Variants in MAP1S observed in about 807,000 individuals in gnomAD.
The protein encoded by MAP1S is microtubule-associated protein 1S.
A neutral mutation model predicts 60.9 loss-of-function variants in MAP1S; 27 were observed. The ratio of observed to expected loss-of-function variants is 0.44; its 90% CI spans 0.33 to 0.61. The LOEUF is 0.61. Ranked by LOEUF, MAP1S falls within the 20% of genes least tolerant of loss-of-function variation. The pLI, the probability that MAP1S is intolerant of heterozygous loss-of-function variation, is 0.03. For missense variants in MAP1S, 1,608 were observed against 1,486.6 expected (o/e 1.08, Z -1.34); for synonymous variants, 826 against 694.2 (o/e 1.19, Z -2.98).
In MAP1S at chr19:17,725,975, C is replaced by G. The variant is rs771877229; in HGVS notation, c.591C>G (p.Pro197=). The change falls in exon 5 of 7, where the codon CCC becomes CCG. Residue 197 remains proline, a synonymous_variant. Transcript: ENST00000324096. This position sits in a 1 kb window ranked among gnomAD's most constrained non-coding sequence, Gnocchi z 4.2. ...TCCGGCTCCAGCTGCGGCTGAACCC[C>G]CCGGCGCAGCTGCCCAACTCTGAGG... The part of the protein sequence containing the change: ...GALRLQLRLN[P]PAQLPNSEGL... 6.2e-7 allele frequency: 1 copy of G among 1,612,422 alleles called. No homozygotes were observed. Among genetic ancestry groups the G allele is most frequent in the Non-Finnish European group, 8.5e-7 (1 of 1,179,418 alleles).
Position 17,726,879 on chromosome 19 carries a change from C to T in MAP1S, c.1495C>T (p.Pro499Ser), listed in dbSNP as rs1182034156. Residue 499 changes from proline to serine, a missense_variant, in exon 5 of 7, where the codon CCT becomes TCT. Physicochemically the swap from Pro to Ser is moderately conservative, Grantham distance 74 (BLOSUM62 -1). Transcript: ENST00000324096. ...ATHPRPGQER[P>S]GVARKEPARA... is the part of the protein sequence containing the mutation. ...CCACCCTAGACCTGGCCAGGAGCGC[C>T]CTGGGGTGGCCCGCAAGGAGCCAGC... 1.3e-6 allele frequency: 2 copies of T among 1,556,404 alleles called. No homozygotes were observed. The highest frequency in any genetic ancestry group is 1.9e-5 in the Admixed American group (1 of 51,366).
At chr19:17,723,441 G>A (rs1264635836) in intron 2 of MAP1S, among the ~76,000 whole-genome samples, 1 of 152,076 alleles carries the variant, frequency 6.6e-6, no homozygotes, top group South Asian at 2.1e-4. Flanking sequence ...CCAGCTACTC[G>A]GGAGGCTGAG....
chr19:17,727,183 C>G lies in MAP1S; in HGVS notation c.1799C>G (p.Ser600Cys). The stretch of plus-strand genomic sequence containing the variant: ...AGCCCCCCCAGTGCAGCCTGCGGCT[C>G]TCCGGCCTCCCAGCTGGTGGCCACG... ...EASPPSAACGSPASQLVATPS... is the reference protein window; with the variant it reads ...EASPPSAACGCPASQLVATPS... The change falls in exon 5 of 7, where the codon TCT becomes TGT. Residue 600 changes from serine (S) to cysteine (C), a missense_variant. This residue lies in a region of MAP1S where 1,167 missense variants were observed against 961.4 expected (regional missense o/e 1.21). Transcript: ENST00000324096. The surrounding 1 kb of genome is among the most constrained non-coding windows in gnomAD (Gnocchi z 4.1). The G allele has an allele frequency of 6.3e-7, 1 of 1,578,362 alleles. No individual in the cohort carries two copies. Among genetic ancestry groups the G allele is most frequent in the Non-Finnish European group, 8.6e-7 (1 of 1,166,084 alleles).
Position 17,726,117 on chromosome 19 carries a change from A to C in MAP1S, c.733A>C (p.Ile245Leu). 6.2e-7 allele frequency: 1 copy of C among 1,613,794 alleles called. No individual in the cohort carries two copies. The highest frequency in any genetic ancestry group is 8.5e-7 in the Non-Finnish European group (1 of 1,179,912). Residue 245 changes from isoleucine (I) to leucine (L), a missense_variant, in exon 5 of 7, where the codon ATC (isoleucine) becomes CTC (leucine). By Grantham distance (5) the Ile-to-Leu change is conservative. Transcript: ENST00000324096. ...CAGGCTGGGCCGGCCCTGCTGCTAC[A>C]TCTTCCCTGGAGGCCTCGGGGATGC... is the stretch of plus-strand genomic sequence containing the variant. ...FLRLGRPCCYIFPGGLGDAAF... is the reference protein window; with the variant it reads ...FLRLGRPCCYLFPGGLGDAAF...
chr19:17,722,200 C>G (rs1157591917), intron 2 of MAP1S, among the ~76,000 whole-genome samples: 2 of 152,172 alleles, frequency 1.3e-5, no homozygotes, highest in African/African-American at 2.4e-5. Context: ...GCCTGTAATC[C>G]CAACACTTTG....
At position 17,727,251 on chromosome 19, in the gene MAP1S, G is replaced by T. The variant is rs897610117; in HGVS notation, c.1867G>T (p.Ala623Ser). 6 of 1,571,944 alleles carry T rather than the reference G, an allele frequency of 3.8e-6. No homozygotes were observed. Among genetic ancestry groups the T allele is most frequent in the African/African-American group, 1.4e-5 (1 of 73,930 alleles). The change falls in exon 5 of 7, where the codon GCA (alanine) becomes TCA (serine). Residue 623 changes from alanine to serine, a missense_variant. Transcript: ENST00000324096. This position sits in a 1 kb window ranked among gnomAD's most constrained non-coding sequence, Gnocchi z 4.1. ...LGPIPAGEEKALELPLAASSI... is the reference protein window; with the variant it reads ...LGPIPAGEEKSLELPLAASSI... ...GCCGATCCCAGCCGGGGAGGAGAAG[G>T]CACTGGAGCTGCCTTTGGCCGCCAG...
intron 1 of MAP1S, chr19:17,720,630 A>G (rs2080362351): frequency 1.0e-6 from 1 of 953,166 alleles, no homozygotes; most frequent in Non-Finnish European, 1.5e-6. Context: ...GGCAGGGGAA[A>G]CAGCTGTTGC....
intron 2 of MAP1S, among the ~76,000 whole-genome samples, chr19:17,722,612 G>T (rs944502149): frequency 6.6e-6 from 1 of 151,894 alleles, no homozygotes; most frequent in Non-Finnish European, 1.5e-5. Flanking sequence ...AGCTGGTTGT[G>T]GTGGCAAGCG....
In MAP1S at chr19:17,725,739, G is replaced by A; in HGVS notation, c.445-90G>A. 4 of 1,339,108 alleles carry A rather than the reference G, an allele frequency of 3.0e-6. No individual in the cohort carries two copies. Among genetic ancestry groups the A allele is most frequent in the African/African-American group, 1.5e-5 (1 of 68,358 alleles). 83.0% of individuals were successfully genotyped at this position (1,339,108 alleles called of 1,614,324 possible). The stretch of plus-strand genomic sequence containing the variant: ...GGGCCCTGAGGAGCAGGCCCTGGGG[G>A]AAAGGATGAGGGTGTCCTCGCCCAG... On this transcript the variant is annotated intron_variant, in intron 4 of 6. Transcript: ENST00000324096. This position sits in a 1 kb window ranked among gnomAD's most constrained non-coding sequence, Gnocchi z 4.2.
intron 3 of MAP1S, among the ~76,000 whole-genome samples, chr19:17,724,460 C>T (rs562871688): frequency 2.6e-5 from 4 of 152,254 alleles, no homozygotes; most frequent in East Asian, 1.9e-4. Context: ...CCCAGGACAG[C>T]GTGGGTCTGG....
chr19:17,722,486 C>T (rs926919520), intron 2 of MAP1S, among the ~76,000 whole-genome samples: 4 of 105,556 alleles, frequency 3.8e-5, no homozygotes, highest in Non-Finnish European at 8.2e-5. Context: ...TGGTGGCTCA[C>T]ACCTATAATC....
At position 17,725,931 on chromosome 19, in the gene MAP1S, C is replaced by G; in HGVS notation, c.547C>G (p.Pro183Ala). 1 of 1,613,688 alleles carries G rather than the reference C, an allele frequency of 6.2e-7. No individual in the cohort carries two copies. Among genetic ancestry groups the G allele is most frequent in the Non-Finnish European group, 8.5e-7 (1 of 1,179,928 alleles). Residue 183 changes from proline to alanine, a missense_variant, in exon 5 of 7, where the codon CCT becomes GCT. Physicochemically the swap from Pro to Ala is conservative, Grantham distance 27 (BLOSUM62 -1). Around this residue, in one of 4 missense-constraint regions of MAP1S, gnomAD observed 320 missense variants for 393.1 expected, o/e 0.81. Coordinates refer to ENST00000324096, the MANE Select transcript of MAP1S (RefSeq NM_018174.6). This position sits in a 1 kb window ranked among gnomAD's most constrained non-coding sequence, Gnocchi z 4.2. The stretch of plus-strand genomic sequence containing the variant: ...CTGGGCTCAGCTGGCACCCGCTGTG[C>G]CTGGCCTTCAGGGGGCGCTCCGGCT... ...GDWAQLAPAV[P>A]GLQGALRLQL...
chr19:17,721,641 C>G (rs1168111272), intron 2 of MAP1S, among the ~76,000 whole-genome samples: 1 of 152,140 alleles, frequency 6.6e-6, no homozygotes, highest in African/African-American at 2.4e-5. Flanking sequence ...CGCCACTGCA[C>G]TCCTGCCTGA....
intron 6 of MAP1S, 92 bp downstream of exon 6, chr19:17,733,520 C>G (rs2080512228): frequency 9.3e-7 from 1 of 1,070,432 alleles, no homozygotes; most frequent in Non-Finnish European, 1.3e-6. Flanking sequence ...CTGTGTTCCC[C>G]AGGCCACACG....
At chr19:17,723,706 C>T (rs1003312920) in intron 2 of MAP1S, among the ~76,000 whole-genome samples, 6 of 149,930 alleles carry the variant, frequency 4.0e-5, no homozygotes, top group African/African-American at 7.4e-5. Context: ...AAAACTTAGC[C>T]GGGTGTGGTG....
chr19:17,721,124 A>C, intron 2 of MAP1S, 87 bp downstream of exon 2: 1 of 1,021,470 alleles, frequency 9.8e-7, no homozygotes, highest in East Asian at 2.4e-5. Context: ...GGTGGGATGC[A>C]GCTATAAATA....
In MAP1S at chr19:17,727,934, C is replaced by T. The variant is rs377292486; in HGVS notation, c.2550C>T (p.Pro850=). The T allele has an allele frequency of 3.0e-5, 48 of 1,608,950 alleles. No individual in the cohort carries two copies. The highest frequency in any genetic ancestry group is 3.7e-5 in the Non-Finnish European group (44 of 1,177,532). Residue 850 remains proline, a synonymous_variant, in exon 5 of 7, where the codon CCC becomes CCT. Transcript: ENST00000324096. This position sits in a 1 kb window ranked among gnomAD's most constrained non-coding sequence, Gnocchi z 4.1. Reference sequence around the variant, plus strand: ...TGGTGGACCCCGAGATGCTGCCCCCCAAGACAGCACGGCAAACGGAGAACG... The same window carrying T: ...TGGTGGACCCCGAGATGCTGCCCCCTAAGACAGCACGGCAAACGGAGAACG... ...ICMVDPEMLP[P]KTARQTENVS... is the part of the protein sequence containing the mutation.
In MAP1S at chr19:17,726,237, G is replaced by A. The variant is rs995356102; in HGVS notation, c.853G>A (p.Val285Met). 1 of 1,607,898 alleles carries A rather than the reference G, an allele frequency of 6.2e-7. No homozygotes were observed. The highest frequency in any genetic ancestry group is 8.5e-7 in the Non-Finnish European group (1 of 1,177,652). Residue 285 changes from valine to methionine, a missense_variant, in exon 5 of 7, where the codon GTG (valine) becomes ATG (methionine). Transcript: ENST00000324096. ...GAAGCTGGTGCGGCACCTGGACCGC[G>A]TGGATGCCGTGCTGGTGACCCACCC... ...FWKLVRHLDR[V>M]DAVLVTHPGA...
chr19:17,724,891 A>T, intron 3 of MAP1S, 158 bp from the exon 4 acceptor site: 2 of 828,668 alleles, frequency 2.4e-6, no homozygotes, highest in Non-Finnish European at 2.0e-6. Context: ...CCAGCAGGAG[A>T]CCTGGAGACT....
Sources: gnomAD v4.1 joint callset for allele counts (sites outside exome capture counted in the v4.1 genomes callset) on GRCh38, gnomAD v4.1.1 for gene constraint, gnomAD v4.1.1 regional missense constraint, Gnocchi (gnomAD v3.1) non-coding constraint, MANE v1.5 for transcripts, NCBI Gene and HGNC (gene_info 2026-07-23, HGNC 2026-07-21) for gene names.